Variants in PLXDC2 observed in about 807,000 individuals in gnomAD.
PLXDC2 encodes the protein plexin domain containing 2.
Under a neutral mutation model 68.9 loss-of-function variants are expected in PLXDC2, and 40 were observed. The ratio of observed to expected loss-of-function variants is 0.58; its 90% CI spans 0.45 to 0.76. PLXDC2 has a LOEUF of 0.76. Among genes scored for constraint, PLXDC2 ranks in the 30% least tolerant of loss-of-function variants. The pLI, the probability that PLXDC2 is intolerant of heterozygous loss-of-function variation, is 0.00. For synonymous variants in PLXDC2, 243 were observed against 234.2 expected, an observed-to-expected ratio of 1.04 and a Z score of -0.34; for missense variants, 644 against 661.9, an observed-to-expected ratio of 0.97 and a Z score of 0.30.
At chr10:19,983,440 A>T (rs747506925) in intron 1 of PLXDC2, among the ~76,000 whole-genome samples, 22 of 152,084 alleles carry the variant, frequency 1.4e-4, no homozygotes, top group African/African-American at 3.4e-4. Context: ...TTCTTGGAGG[A>T]TAAATGCCTA....
At chr10:19,884,854 T>C (rs1292343002) in intron 1 of PLXDC2, among the ~76,000 whole-genome samples, 1 of 152,204 alleles carries the variant, frequency 6.6e-6, no homozygotes, top group African/African-American at 2.4e-5. Context: ...TTATAGTCCT[T>C]TGGGTATATA....
chr10:20,179,903 C>A (rs888064698), intron 9 of PLXDC2, among the ~76,000 whole-genome samples: 2 of 152,040 alleles, frequency 1.3e-5, no homozygotes, highest in Non-Finnish European at 2.9e-5. Flanking sequence ...ATCAAACCTC[C>A]GTCTTTGTGA....
intron 1 of PLXDC2, among the ~76,000 whole-genome samples, chr10:19,860,779 T>C (rs1837304485): frequency 2.0e-5 from 3 of 152,188 alleles, no homozygotes; most frequent in Non-Finnish European, 4.4e-5. Flanking sequence ...GGAACTAAGC[T>C]CATTCTCTTT....
chr10:20,147,629 T>C (rs569888703), intron 5 of PLXDC2, among the ~76,000 whole-genome samples, 155 bp from the exon 6 acceptor site: 1 of 152,326 alleles, frequency 6.6e-6, no homozygotes, highest in Non-Finnish European at 1.5e-5. Flanking sequence ...CCAAATGCTA[T>C]TTCAATAACA....
intron 2 of PLXDC2, among the ~76,000 whole-genome samples, chr10:20,028,587 T>C (rs766088151): frequency 3.9e-5 from 6 of 152,204 alleles, no homozygotes; most frequent in Non-Finnish European, 7.3e-5. Flanking sequence ...CTGACATAAG[T>C]TACTCTAAAC....
At chr10:19,819,460 A>C (rs1304465574) in intron 1 of PLXDC2, among the ~76,000 whole-genome samples, 1 of 146,510 alleles carries the variant, frequency 6.8e-6, no homozygotes, top group Non-Finnish European at 1.5e-5. Flanking sequence ...TTTGTAAAAT[A>C]GTCTATATAA....
chr10:19,837,825 C>G (rs909851517), intron 1 of PLXDC2, among the ~76,000 whole-genome samples: 1 of 152,024 alleles, frequency 6.6e-6, no homozygotes, highest in Non-Finnish European at 1.5e-5. Flanking sequence ...AATCAGCAAC[C>G]GAGGCCTGTC....
chr10:20,196,907 C>T (rs536756391), intron 9 of PLXDC2, among the ~76,000 whole-genome samples: 1 of 152,194 alleles, frequency 6.6e-6, no homozygotes, highest in East Asian at 1.9e-4. Flanking sequence ...CACTAATCGG[C>T]TTGTTAATTG....
chr10:19,959,159 C>G (rs1462324370), intron 1 of PLXDC2, among the ~76,000 whole-genome samples: 1 of 152,056 alleles, frequency 6.6e-6, no homozygotes, highest in Non-Finnish European at 1.5e-5. Flanking sequence ...AGCAGTTTAC[C>G]CAGGATTATC....
chr10:20,080,387 AG>A (rs1412828201), intron 4 of PLXDC2, among the ~76,000 whole-genome samples: 1 of 152,168 alleles, frequency 6.6e-6, no homozygotes, highest in African/African-American at 2.4e-5. Context: ...GGATCAAGGA[AG>A]CCAGTATGAA....
chr10:19,849,534 A>G (rs1245147282), intron 1 of PLXDC2, among the ~76,000 whole-genome samples: 3 of 152,110 alleles, frequency 2.0e-5, no homozygotes, highest in Non-Finnish European at 4.4e-5. Flanking sequence ...CTCATTCACT[A>G]TCCCATGATA....
chr10:20,139,080 T>C (rs7079462), intron 4 of PLXDC2, among the ~76,000 whole-genome samples: 4,436 of 152,278 alleles, frequency 0.029, 91 homozygotes, highest in South Asian at 0.074. Context: ...AGATCTACAA[T>C]GATAGAATCC....
At chr10:20,122,142 G>A (rs1454964023) in intron 4 of PLXDC2, among the ~76,000 whole-genome samples, 2 of 152,048 alleles carry the variant, frequency 1.3e-5, no homozygotes, top group Non-Finnish European at 2.9e-5. Context: ...AGCCTAATAA[G>A]GGAACTGGGC....
intron 1 of PLXDC2, among the ~76,000 whole-genome samples, chr10:19,941,411 C>T (rs2131398018): frequency 6.6e-6 from 1 of 152,250 alleles, no homozygotes; most frequent in East Asian, 1.9e-4. Context: ...TGGTGGCATC[C>T]TGTAGCTCTT....
intron 12 of PLXDC2, among the ~76,000 whole-genome samples, chr10:20,234,352 C>A (rs1564362161): frequency 6.6e-6 from 1 of 152,162 alleles, no homozygotes; most frequent in Admixed American, 6.5e-5. Context: ...AGACATACAG[C>A]TTTATATTTC....
At position 19,880,278 on chromosome 10, in the gene PLXDC2, A is replaced by G. The variant is rs193204950; in HGVS notation, c.112+63087A>G. Among the ~76,000 whole-genome samples, 233 of 152,328 alleles carry G rather than the reference A, an allele frequency of 1.5e-3. 1 individual carries two copies. The highest frequency in any genetic ancestry group is 5.3e-3 in the African/African-American group (221 of 41,582). On this transcript the variant is annotated intron_variant, in intron 1 of 13. Transcript: ENST00000377252. ...TACTTGCAGTAGTCCTCCCTAATCC[A>G]TGGGGCATATGTACCAAGACTCCCA...
intron 4 of PLXDC2, among the ~76,000 whole-genome samples, chr10:20,141,477 T>C (rs1447445736): frequency 6.6e-6 from 1 of 152,096 alleles, no homozygotes; most frequent in Non-Finnish European, 1.5e-5. Flanking sequence ...AAGCAGTTTC[T>C]TCTATTTGTA....
At chr10:20,071,960 G>A (rs947712784) in intron 4 of PLXDC2, among the ~76,000 whole-genome samples, 5 of 152,184 alleles carry the variant, frequency 3.3e-5, no homozygotes, top group Non-Finnish European at 7.3e-5. Context: ...GGTATATTTG[G>A]AGGGCTGTCA....
intron 1 of PLXDC2, among the ~76,000 whole-genome samples, chr10:19,881,204 C>T (rs1289371374): frequency 6.6e-6 from 1 of 152,100 alleles, no homozygotes; most frequent in African/African-American, 2.4e-5. Context: ...CAACCTCTGC[C>T]TCCCAGGTTC....
Sources: gnomAD v4.1 joint callset for allele counts (sites outside exome capture counted in the v4.1 genomes callset) on GRCh38, gnomAD v4.1.1 for gene constraint, MANE v1.5 for transcripts, NCBI Gene and HGNC (gene_info 2026-07-23, HGNC 2026-07-21) for gene names.